Variants in DACT2 observed in about 807,000 individuals in gnomAD.
The protein encoded by DACT2 is dishevelled binding antagonist of beta catenin 2, also known as dapper homolog 2.
Under a neutral mutation model 22.2 loss-of-function variants are expected in DACT2, and 20 were observed. The observed-to-expected ratio is 0.90, with a 90% CI of 0.63 to 1.31. DACT2 has a LOEUF of 1.31. Among genes scored for constraint, DACT2 ranks in the 50% most tolerant of loss-of-function variants. The pLI, the probability that DACT2 is intolerant of heterozygous loss-of-function variation, is 0.00. For missense variants in DACT2, 1,048 were observed against 1,061.4 expected (o/e 0.99, Z 0.18); for synonymous variants, 463 against 479.8 (o/e 0.96, Z 0.46).
chr6:168,308,743 C>G lies in DACT2; in HGVS notation c.1014G>C (p.Leu338=). 6.4e-7 allele frequency: 1 copy of G among 1,551,294 alleles called. No individual in the cohort carries two copies. Among genetic ancestry groups the G allele is most frequent in the Non-Finnish European group, 8.7e-7 (1 of 1,147,040 alleles). Residue 338 remains leucine, a synonymous_variant, in exon 4 of 4, where the codon CTG becomes CTC. Transcript: ENST00000366795. ...ARARAYIDRL[L]HLWGRETPAK... is the part of the protein sequence containing the mutation. ...CTGGGGTCTCCCGGCCCCACAGATG[C>G]AGCAACCTGTCGATATAAGCTCTGG...
intron 3 of DACT2, chr6:168,294,778 G>T: frequency 3.1e-6 from 2 of 637,782 alleles, no homozygotes; most frequent in Non-Finnish European, 4.7e-6. Flanking sequence ...CTGCGATTCT[G>T]CAGCTTCAAT....
In DACT2 at chr6:168,310,273, G is replaced by T. The variant is rs774195083; in HGVS notation, c.553C>A (p.Pro185Thr). 1.9e-6 allele frequency: 3 copies of T among 1,551,346 alleles called. No homozygotes were observed. In the African/African-American group the frequency reaches 4.1e-5, roughly 21 times the overall value. The change falls in exon 3 of 4, where the codon CCA (proline) becomes ACA (threonine). Residue 185 changes from proline to threonine, a missense_variant. Coordinates refer to ENST00000366795, the MANE Select transcript of DACT2 (RefSeq NM_214462.5). ...RPRSVDETTV[P>T]AWRPQATEEG... ...TCGGTAGCCTGGGGTCTCCACGCTG[G>T]CACAGTAGTCTCATCAACCGACCGG...
chr6:168,301,078 A>G (rs1002103124), intron 3 of DACT2, among the ~76,000 whole-genome samples: 1 of 152,248 alleles, frequency 6.6e-6, no homozygotes. Context: ...AAGAAGCGCC[A>G]TGGAAGAGTC....
At chr6:168,315,999 ATTC>A (rs1353452118) in intron 1 of DACT2, among the ~76,000 whole-genome samples, 5 of 152,234 alleles carry the variant, frequency 3.3e-5, no homozygotes, top group African/African-American at 9.6e-5. Flanking sequence ...AAATTCAATT[ATTC>A]TTCTCTTTTG....
At chr6:168,301,846 T>C (rs1402700450) in intron 3 of DACT2, among the ~76,000 whole-genome samples, 1 of 152,234 alleles carries the variant, frequency 6.6e-6, no homozygotes, top group Non-Finnish European at 1.5e-5. Flanking sequence ...GCAGTGGCTG[T>C]TCCCCTTGTC....
At chr6:168,315,274 G>A (rs1779515485) in intron 1 of DACT2, among the ~76,000 whole-genome samples, 1 of 152,176 alleles carries the variant, frequency 6.6e-6, no homozygotes. Flanking sequence ...GAAGGATGGG[G>A]TTTTCAGTCT....
At chr6:168,311,366 T>C (rs1310385684) in intron 1 of DACT2, 82 bp from the exon 2 acceptor site, 2 of 1,424,884 alleles carry the variant, frequency 1.4e-6, no homozygotes, top group Non-Finnish European at 1.9e-6. Flanking sequence ...AAACATGCAT[T>C]GTGAATGCAA....
chr6:168,319,451 G>C lies in DACT2; in HGVS notation c.183C>G (p.Pro61=). 8.3e-7 allele frequency: 1 copy of C among 1,205,948 alleles called. No homozygotes were observed. 74.7% of individuals were successfully genotyped at this position (1,205,948 alleles called of 1,614,324 possible). The part of the protein sequence containing the change: ...PPPAPAAPCG[P]HGLHGPEQQL... ...GCTGCTCGGGGCCGTGGAGGCCGTG[G>C]GGGCCGCAGGGCGCGGCGGGCGCGG... The change falls in exon 1 of 4, where the codon CCC becomes CCG. Residue 61 remains proline (P), a synonymous_variant. Coordinates refer to ENST00000366795, the MANE Select transcript of DACT2 (RefSeq NM_214462.5).
At chr6:168,311,584 C>CACACACT (rs1562498529) in intron 1 of DACT2, among the ~76,000 whole-genome samples, 1 of 86,102 alleles carries the variant, frequency 1.2e-5, no homozygotes, top group African/African-American at 5.0e-5. Flanking sequence ...ACACACCCAT[C>CACACACT]CACACACACA....
chr6:168,295,042 A>C (rs947487658), intron 3 of DACT2, among the ~76,000 whole-genome samples: 1 of 152,130 alleles, frequency 6.6e-6, no homozygotes, highest in Admixed American at 6.5e-5. Flanking sequence ...CTGAGTCCCA[A>C]GCATATGCTG....
Position 168,313,728 on chromosome 6 carries a change from T to C in DACT2, c.247-2444A>G, listed in dbSNP as rs150287450. On this transcript the variant is annotated intron_variant, in intron 1 of 3. Coordinates refer to ENST00000366795, the MANE Select transcript of DACT2 (RefSeq NM_214462.5). Reference sequence around the variant, plus strand: ...TCTAAGTGCCCTGTCCTCTTCCAAATCACACTCTCCTTCTTCTGAAGGAGG... The same window carrying C: ...TCTAAGTGCCCTGTCCTCTTCCAAACCACACTCTCCTTCTTCTGAAGGAGG... 2.0e-3 allele frequency among the ~76,000 whole-genome samples: 299 copies of C among 152,228 alleles called. 8 individuals are homozygous for C. The East Asian group carries it at 0.051, about 26-fold the overall frequency.
At chr6:168,294,644 C>A in exon 4 of DACT2, 1 of 1,470,052 alleles carries the variant, frequency 6.8e-7, no homozygotes, top group African/African-American at 1.5e-5. Flanking sequence ...TGTCAGTGAA[C>A]TGGAGGTGCA....
intron 1 of DACT2, among the ~76,000 whole-genome samples, chr6:168,312,458 A>G (rs1433349668): frequency 6.6e-6 from 1 of 152,194 alleles, no homozygotes; most frequent in African/African-American, 2.4e-5. Context: ...TGGCCTCCCA[A>G]TGTGCTGGGA....
intron 2 of DACT2, 123 bp downstream of exon 2, chr6:168,311,029 C>T (rs1393111067): frequency 7.6e-7 from 1 of 1,316,202 alleles, no homozygotes. Flanking sequence ...GGCCATCTCC[C>T]TGCACGGACA....
At chr6:168,311,512 A>G (rs1779398533) in intron 1 of DACT2, among the ~76,000 whole-genome samples, 1 of 142,584 alleles carries the variant, frequency 7.0e-6, no homozygotes, top group Non-Finnish European at 1.5e-5. Flanking sequence ...ACACACATAC[A>G]CACACACAAA....
chr6:168,294,658 T>A (rs1162939207), exon 4 of DACT2: 3 of 1,479,210 alleles, frequency 2.0e-6, no homozygotes, highest in Non-Finnish European at 1.8e-6. Flanking sequence ...AGGTGCAGCC[T>A]GCAGGCGGAG....
chr6:168,299,129 A>G (rs1465300199), intron 3 of DACT2: 1 of 152,146 alleles, frequency 6.6e-6, no homozygotes, highest in Non-Finnish European at 1.5e-5. Context: ...ATAAATTACT[A>G]TTTTCCCTAA....
downstream of DACT2, among the ~76,000 whole-genome samples, chr6:168,303,269 GT>G (rs1251578147): frequency 6.6e-6 from 1 of 152,140 alleles, no homozygotes; most frequent in Non-Finnish European, 1.5e-5. Context: ...TTTGCGTGTG[GT>G]TTGTCTCCAC....
downstream of DACT2, among the ~76,000 whole-genome samples, chr6:168,303,597 T>C (rs1271913829): frequency 6.6e-6 from 1 of 152,228 alleles, no homozygotes; most frequent in African/African-American, 2.4e-5. Flanking sequence ...CCTGTCTAAC[T>C]TTCCAGCCAT....
Sources: gnomAD v4.1 joint callset for allele counts (sites outside exome capture counted in the v4.1 genomes callset) on GRCh38, gnomAD v4.1.1 for gene constraint, MANE v1.5 for transcripts, NCBI Gene and HGNC (gene_info 2026-07-23, HGNC 2026-07-21) for gene names.